Variants in PDE7B observed in about 807,000 individuals in gnomAD.
PDE7B encodes 3',5'-cyclic-AMP phosphodiesterase 7B.
A neutral mutation model predicts 56.2 loss-of-function variants in PDE7B; 29 were observed. The observed-to-expected ratio is 0.52, with a 90% CI of 0.38 to 0.70. The LOEUF is 0.70. PDE7B is among the 30% of genes least tolerant of loss of function. The pLI is 0.00. For missense variants in PDE7B, 490 were observed against 565.0 expected, an observed-to-expected ratio of 0.87 and a Z score of 1.35; for synonymous variants, 197 against 196.9, an observed-to-expected ratio of 1.00 and a Z score of 0.00.
chr6:136,032,404 C>A (rs966313347), intron 2 of PDE7B, among the ~76,000 whole-genome samples: 2 of 152,168 alleles, frequency 1.3e-5, no homozygotes, highest in African/African-American at 2.4e-5. Flanking sequence ...AGACATGATT[C>A]CTGGGCTTTT....
At chr6:135,974,320 A>ATG (rs966352902) in intron 2 of PDE7B, among the ~76,000 whole-genome samples, 18 of 137,222 alleles carry the variant, frequency 1.3e-4, no homozygotes, top group South Asian at 4.7e-4. Flanking sequence ...AAATGTGTGT[A>ATG]TGTGTGTGTG....
At position 136,195,036 on chromosome 6, in the gene PDE7B, G is replaced by C. The variant is rs1361578755; in HGVS notation, c.*3196G>C. The C allele has an allele frequency of 1.3e-5, 2 of 152,220 alleles. No homozygotes were observed. The highest frequency in any genetic ancestry group is 2.9e-5 in the Non-Finnish European group (2 of 68,044). 9.4% of individuals were successfully genotyped at this position (152,220 alleles called of 1,614,324 possible). A position where few individuals can be genotyped will look rare whatever the true frequency, so the allele number is the denominator to read the frequency against. On this transcript the variant is annotated 3_prime_UTR_variant, in exon 13 of 13. Transcript: ENST00000308191. ...TTGAGAAGAAAGGAATCAAAGGACT[G>C]TGTGTAGTAAGCTGACGGTAAAGTT...
chr6:136,156,348 C>CCTGA (rs1778605086), intron 8 of PDE7B, among the ~76,000 whole-genome samples: 1 of 152,074 alleles, frequency 6.6e-6, no homozygotes, highest in South Asian at 2.1e-4. Context: ...TGCCGCCACA[C>CCTGA]CTGACTAATT....
intron 1 of PDE7B, among the ~76,000 whole-genome samples, chr6:135,925,705 T>C (rs1446078979): frequency 2.6e-5 from 4 of 152,170 alleles, no homozygotes; most frequent in African/African-American, 9.7e-5. Context: ...ACATTTACAA[T>C]TAGAATGATC....
chr6:136,191,504 T>C (rs1779223867), intron 12 of PDE7B, 110 bp from the exon 13 acceptor site: 1 of 896,458 alleles, frequency 1.1e-6, no homozygotes, highest in East Asian at 2.6e-5. Flanking sequence ...CCATCTCTAC[T>C]AAAGATACAA....
At chr6:136,037,596 A>G in intron 2 of PDE7B, 5 of 985,456 alleles carry the variant, frequency 5.1e-6, no homozygotes, top group Non-Finnish European at 6.0e-6. Context: ...TTGGCTCTGC[A>G]GACTCTCAGC....
chr6:136,025,291 A>G (rs956964676), intron 2 of PDE7B, among the ~76,000 whole-genome samples: 2 of 152,250 alleles, frequency 1.3e-5, no homozygotes, highest in African/African-American at 4.8e-5. Context: ...AATGCAATAC[A>G]GAATATACCA....
chr6:136,023,997 C>G (rs1050706753), intron 2 of PDE7B, among the ~76,000 whole-genome samples: 1 of 152,036 alleles, frequency 6.6e-6, no homozygotes, highest in Non-Finnish European at 1.5e-5. Flanking sequence ...TTACAGGTGA[C>G]AATGCCTTAC....
rs976616400 is a variant in PDE7B at position 136,137,497 on chromosome 6, T to C, written c.167-9854T>C. Among the ~76,000 whole-genome samples, 6 of 152,258 alleles carry C rather than the reference T, an allele frequency of 3.9e-5. No individual in the cohort carries two copies. The East Asian group carries it at 1.2e-3, about 29-fold the overall frequency. ...GCTCTGCTCACTTAAACACAAAGGC[T>C]TTCTTTGTTCTCAGTATCACCCTAG... is the stretch of plus-strand genomic sequence containing the variant. On this transcript the variant is annotated intron_variant, in intron 3 of 12. Coordinates refer to ENST00000308191, the MANE Select transcript of PDE7B (RefSeq NM_018945.4).
intron 2 of PDE7B, among the ~76,000 whole-genome samples, chr6:136,079,358 T>C (rs1777171631): frequency 6.6e-6 from 1 of 152,214 alleles, no homozygotes; most frequent in African/African-American, 2.4e-5. Context: ...CAAACTGTGT[T>C]GTTCCATACA....
rs547443317 is a variant in PDE7B at position 136,191,904 on chromosome 6, G to A, written c.*64G>A. On this transcript the variant is annotated 3_prime_UTR_variant, in exon 13 of 13. Transcript: ENST00000308191. The stretch of plus-strand genomic sequence containing the variant: ...GCCCCCAGAGGGCAGAAGCAGCGTG[G>A]AGGGGCCCTCACGCAGCAGCCCAGC... The A allele has an allele frequency of 2.0e-4, 251 of 1,258,920 alleles. No individual in the cohort carries two copies. The highest frequency in any genetic ancestry group is 7.8e-4 in the Middle Eastern group (3 of 3,832). 78.0% of individuals were successfully genotyped at this position (1,258,920 alleles called of 1,614,324 possible).
intron 1 of PDE7B, among the ~76,000 whole-genome samples, chr6:135,943,422 T>TG (rs1774540705): frequency 1.3e-5 from 2 of 152,116 alleles, no homozygotes; most frequent in African/African-American, 4.8e-5. Flanking sequence ...CAGTGGTTAG[T>TG]GGGTGAGAGA....
chr6:135,986,417 T>C (rs772619014), intron 2 of PDE7B, among the ~76,000 whole-genome samples: 3 of 152,230 alleles, frequency 2.0e-5, no homozygotes, highest in Non-Finnish European at 4.4e-5. Context: ...GTAGTAGCCA[T>C]GCAATTAAGC....
intron 2 of PDE7B, among the ~76,000 whole-genome samples, chr6:135,950,925 C>A (rs1320006947): frequency 6.6e-6 from 1 of 152,106 alleles, no homozygotes; most frequent in East Asian, 1.9e-4. Flanking sequence ...CTCTGGTGCG[C>A]CGGATTCAAT....
intron 1 of PDE7B, among the ~76,000 whole-genome samples, chr6:135,910,850 A>G (rs1285719231): frequency 1.3e-5 from 2 of 152,124 alleles, no homozygotes; most frequent in African/African-American, 4.8e-5. Context: ...ACAGCCAAGG[A>G]GATTATTTTA....
intron 11 of PDE7B, among the ~76,000 whole-genome samples, chr6:136,183,352 G>A (rs1044677449): frequency 1.3e-5 from 2 of 152,048 alleles, no homozygotes; most frequent in Non-Finnish European, 2.9e-5. Flanking sequence ...CCAAGACTTT[G>A]GGAGGCCAAG....
intron 1 of PDE7B, among the ~76,000 whole-genome samples, chr6:135,902,254 C>T (rs901891719): frequency 5.9e-5 from 9 of 151,982 alleles, no homozygotes; most frequent in Non-Finnish European, 1.0e-4. Context: ...CCAATTTCTG[C>T]CCACACAACT....
At chr6:135,902,796 T>C (rs2327670) in intron 1 of PDE7B, among the ~76,000 whole-genome samples, 4,085 of 152,308 alleles carry the variant, frequency 0.027, 176 homozygotes, top group African/African-American at 0.093. Flanking sequence ...GTTCTGTTAC[T>C]ATGACTAGAA....
At chr6:136,077,592 G>A (rs1777145279) in intron 2 of PDE7B, among the ~76,000 whole-genome samples, 1 of 152,184 alleles carries the variant, frequency 6.6e-6, no homozygotes, top group Non-Finnish European at 1.5e-5. Context: ...ATTAACCCAT[G>A]TGAAGCACAT....
Sources: gnomAD v4.1 joint callset for allele counts (sites outside exome capture counted in the v4.1 genomes callset) on GRCh38, gnomAD v4.1.1 for gene constraint, MANE v1.5 for transcripts, NCBI Gene and HGNC (gene_info 2026-07-23, HGNC 2026-07-21) for gene names.